The following ZNF570 variants were observed in gnomAD, a reference collection of about 807,000 sequenced individuals.
The protein encoded by ZNF570 is zinc finger protein 570.
ZNF570 carries 8 observed loss-of-function variants against 14.2 expected under a neutral mutation model. The observed-to-expected ratio is 0.56, with a 90% CI of 0.33 to 1.02. The LOEUF is 1.02. Among genes scored for constraint, ZNF570 ranks in the 50% least tolerant of loss-of-function variants. ZNF570 has a pLI of 0.03. For synonymous variants in ZNF570, 202 were observed against 207.6 expected (o/e 0.97, Z 0.23); for missense variants, 559 against 624.9 (o/e 0.89, Z 1.12).
chr19:37,471,308 C>T (rs1201240695), intron 2 of ZNF570, among the ~76,000 whole-genome samples: 1 of 152,142 alleles, frequency 6.6e-6, no homozygotes, highest in Non-Finnish European at 1.5e-5. Context: ...CCACCGCACC[C>T]GGCCACTGCA....
intron 2 of ZNF570, among the ~76,000 whole-genome samples, chr19:37,471,027 T>TTTTTTTTTTTTG (rs1363911894): frequency 2.5e-4 from 35 of 140,692 alleles, no homozygotes; most frequent in Non-Finnish European, 4.3e-4. Context: ...TTTTTTTTTT[T>TTTTTTTTTTTTG]TTGTTGAGAC....
chr19:37,485,120 T>C lies in ZNF570; in HGVS notation c.1498T>C (p.Cys500Arg), dbSNP rs1202153432. ...RIHTGERPYE[C>R]KECKKTFRQH... ...TCATACTGGAGAGAGACCCTATGAATGTAAGGAATGCAAAAAAACCTTCAG... is the reference window on the plus strand; with the variant it reads ...TCATACTGGAGAGAGACCCTATGAACGTAAGGAATGCAAAAAAACCTTCAG... Residue 500 changes from cysteine to arginine, a missense_variant, in exon 5 of 5, where the codon TGT becomes CGT. Physicochemically the swap from Cys to Arg is radical, Grantham distance 180. Transcript: ENST00000330173. 6.2e-7 allele frequency: 1 copy of C among 1,612,756 alleles called. No homozygotes were observed. The highest frequency in any genetic ancestry group is 2.2e-5 in the East Asian group (1 of 44,874).
In ZNF570 at chr19:37,485,302, T is replaced by C; in HGVS notation, c.*69T>C. 2.1e-6 allele frequency: 3 copies of C among 1,403,004 alleles called. No individual in the cohort carries two copies. Among genetic ancestry groups the C allele is most frequent in the Non-Finnish European group, 2.8e-6 (3 of 1,055,696 alleles). The allele number at this position is 1,403,004 out of a possible 1,614,324, so 86.9% of individuals were successfully genotyped here. A position where few individuals can be genotyped will look rare whatever the true frequency, so the allele number is the denominator to read the frequency against. On this transcript the variant is annotated 3_prime_UTR_variant, in exon 5 of 5. Coordinates refer to ENST00000330173, the MANE Select transcript of ZNF570 (RefSeq NM_144694.5). ...CTTTAATGTTGTCACCTTGGTCTGA[T>C]TCATCTCACTCTGATTACTAATATA... is the stretch of plus-strand genomic sequence containing the variant.
intron 2 of ZNF570, among the ~76,000 whole-genome samples, chr19:37,471,105 C>T (rs2041956257): frequency 6.7e-6 from 1 of 148,924 alleles, no homozygotes; most frequent in African/African-American, 2.5e-5. Flanking sequence ...GCTCTGCCTC[C>T]CAGGTTCACA....
In ZNF570 at chr19:37,488,542, A is replaced by G. The variant is rs547744723; in HGVS notation, c.*3309A>G. On this transcript the variant is annotated 3_prime_UTR_variant, in exon 5 of 5. Coordinates refer to ENST00000330173, the MANE Select transcript of ZNF570 (RefSeq NM_144694.5). The stretch of plus-strand genomic sequence containing the variant: ...AAAATAAGCAAATACTGTATAGCCA[A>G]TTCTTAAAATTTGATAAAGCTGGCT... 5 of 152,198 alleles carry G rather than the reference A, an allele frequency of 3.3e-5. No individual in the cohort carries two copies. The highest frequency in any genetic ancestry group is 3.8e-4 in the East Asian group (2 of 5,202). 9.4% of individuals were successfully genotyped at this position (152,198 alleles called of 1,614,324 possible).
In ZNF570 at chr19:37,488,388, T is replaced by TA. The variant is rs34054993; in HGVS notation, c.*3160dup. ...ATTTTTGTCATGGCTAAATACTATA[T>TA]AAAAAGGATCTAAAAGAATTAATAA... On this transcript the variant is annotated 3_prime_UTR_variant, in exon 5 of 5. Coordinates refer to ENST00000330173, the MANE Select transcript of ZNF570 (RefSeq NM_144694.5). 1 of 152,196 alleles carries TA rather than the reference T, an allele frequency of 6.6e-6. No homozygotes were observed. The highest frequency in any genetic ancestry group is 1.5e-5 in the Non-Finnish European group (1 of 68,032). The allele number at this position is 152,196 out of a possible 1,614,324, so 9.4% of individuals were successfully genotyped here.
rs1258433263 is a variant in ZNF570, at chr19:37,487,311, A to G, written c.*2078A>G. The G allele has an allele frequency of 6.6e-6, 1 of 151,978 alleles. No homozygotes were observed. The highest frequency in any genetic ancestry group is 1.5e-5 in the Non-Finnish European group (1 of 67,992). The allele number at this position is 151,978 out of a possible 1,614,324, so 9.4% of individuals were successfully genotyped here. ...TGTTCCATACTATAGAAAAATGTAA[A>G]GTTTTAAAATTATTTATCCAGTGGT... On this transcript the variant is annotated 3_prime_UTR_variant, in exon 5 of 5. Coordinates refer to ENST00000330173, the MANE Select transcript of ZNF570 (RefSeq NM_144694.5).
rs572515139 is a variant in ZNF570 at position 37,470,790 on chromosome 19, C to T, written c.33+403C>T. Among the ~76,000 whole-genome samples, 4 of 147,702 alleles carry T rather than the reference C, an allele frequency of 2.7e-5. No homozygotes were observed. The South Asian group carries it at 8.6e-4, about 32-fold the overall frequency. On this transcript the variant is annotated intron_variant, in intron 2 of 4. Transcript: ENST00000330173. The stretch of plus-strand genomic sequence containing the variant: ...ATATGGCTCACGGCAACATCCACCT[C>T]CTGGGTTCAAACGATTCTCCTGCCT...
At chr19:37,475,007 A>G (rs1375574805) in intron 2 of ZNF570, among the ~76,000 whole-genome samples, 2 of 144,034 alleles carry the variant, frequency 1.4e-5, no homozygotes, top group East Asian at 4.0e-4. Flanking sequence ...CCTGCCGCCC[A>G]GGCTGGAATG....
intron 3 of ZNF570, 66 bp downstream of exon 3, chr19:37,476,073 A>C: frequency 6.5e-7 from 1 of 1,540,996 alleles, no homozygotes; most frequent in Non-Finnish European, 8.7e-7. Flanking sequence ...CACTATTGTG[A>C]ATTTTTGGAT....
Position 37,469,390 on chromosome 19 carries a change from C to A in ZNF570, c.-219C>A. ...CGGGCCCGTAAGGGCTGGGTTCCAT[C>A]CAACTAAGGGTAGCGGTGAGACCCG... On this transcript the variant is annotated 5_prime_UTR_variant, in exon 1 of 5. Coordinates refer to ENST00000330173, the MANE Select transcript of ZNF570 (RefSeq NM_144694.5). 1 of 1,486,516 alleles carries A rather than the reference C, an allele frequency of 6.7e-7. No individual in the cohort carries two copies. The highest frequency in any genetic ancestry group is 1.3e-5 in the South Asian group (1 of 77,432). The allele number at this position is 1,486,516 out of a possible 1,614,324, so 92.1% of individuals were successfully genotyped here.
At chr19:37,473,302 C>G (rs1239700474) in intron 2 of ZNF570, among the ~76,000 whole-genome samples, 1 of 152,054 alleles carries the variant, frequency 6.6e-6, no homozygotes, top group Non-Finnish European at 1.5e-5. Flanking sequence ...TTCAGCTATG[C>G]AGGATACAGG....
upstream of ZNF570, chr19:37,468,101 TTGAGGCAGAGCCTCACTTTG>T (rs935666784): frequency 1.5e-6 from 1 of 668,326 alleles, no homozygotes; most frequent in African/African-American, 1.8e-5. Flanking sequence ...TTTGTTTTTT[TTGAGGCAGAGCCTCACTTTG>T]TTGCCCAGGC....
Position 37,476,012 on chromosome 19 carries a change from G to A in ZNF570, c.160+5G>A. The A allele has an allele frequency of 6.3e-7, 1 of 1,595,410 alleles. No homozygotes were observed. The highest frequency in any genetic ancestry group is 8.5e-7 in the Non-Finnish European group (1 of 1,172,738). On this transcript the variant is annotated splice_donor_5th_base_variant and intron_variant, in intron 3 of 4. Transcript: ENST00000330173. ...ACAGGATCTTGGTATCACTGGGTAA[G>A]GATATCTTCTTGCAAAACTGAGCTT... is the stretch of plus-strand genomic sequence containing the variant.
chr19:37,484,283 A>C lies in ZNF570; in HGVS notation c.661A>C (p.Asn221His), dbSNP rs1198836935. The C allele has an allele frequency of 3.7e-6, 6 of 1,613,454 alleles. No homozygotes were observed. The East Asian group carries it at 1.3e-4, about 36-fold the overall frequency. Residue 221 changes from asparagine to histidine, a missense_variant, in exon 5 of 5, where the codon AAT becomes CAT. Transcript: ENST00000330173. The part of the protein sequence containing the change: ...VCAEKKLLKC[N>H]DCEKVFSQSS... ...TGCAGAGAAGAAACTTTTGAAATGTAATGACTGTGAAAAAGTCTTCAGCCA... is the reference window on the plus strand; with the variant it reads ...TGCAGAGAAGAAACTTTTGAAATGTCATGACTGTGAAAAAGTCTTCAGCCA...
rs748405072 is a variant in ZNF570 at position 37,485,060 on chromosome 19, A to G, written c.1438A>G (p.Ser480Gly). ...YECTVCGKAF[S>G]YCGSLAQHQR... ...ATGTACTGTTTGTGGAAAGGCTTTT[A>G]GTTACTGTGGATCCCTTGCCCAACA... The change falls in exon 5 of 5, where the codon AGT becomes GGT. Residue 480 changes from serine (S) to glycine (G), a missense_variant. Ser to Gly is a moderately conservative substitution (Grantham distance 56). Transcript: ENST00000330173. The G allele has an allele frequency of 1.2e-6, 2 of 1,614,086 alleles. No individual in the cohort carries two copies. The highest frequency in any genetic ancestry group is 8.5e-7 in the Non-Finnish European group (1 of 1,180,010).
upstream of ZNF570, chr19:37,468,093 T>TA: frequency 1.5e-6 from 1 of 685,410 alleles, no homozygotes; most frequent in South Asian, 2.0e-5. Flanking sequence ...TTGTTTGTTT[T>TA]GTTTTTTTTG....
At chr19:37,481,950 C>T (rs2042092325) in intron 4 of ZNF570, among the ~76,000 whole-genome samples, 1 of 152,064 alleles carries the variant, frequency 6.6e-6, no homozygotes. Context: ...CTTTTTTGTA[C>T]CAGGAAGATT....
In ZNF570 at chr19:37,485,132, A is replaced by C; in HGVS notation, c.1510A>C (p.Lys504Gln). 6.2e-7 allele frequency: 1 copy of C among 1,610,810 alleles called. No homozygotes were observed. Among genetic ancestry groups the C allele is most frequent in the Non-Finnish European group, 8.5e-7 (1 of 1,178,656 alleles). Residue 504 changes from lysine to glutamine, a missense_variant, in exon 5 of 5, where the codon AAA (lysine) becomes CAA (glutamine). Lys to Gln is a moderately conservative substitution (Grantham distance 53). Transcript: ENST00000330173. Reference sequence around the variant, plus strand: ...GAGACCCTATGAATGTAAGGAATGCAAAAAAACCTTCAGGCAGCATGCACA... The same window carrying C: ...GAGACCCTATGAATGTAAGGAATGCCAAAAAACCTTCAGGCAGCATGCACA... The part of the protein sequence containing the change: ...GERPYECKEC[K>Q]KTFRQHAHLA...
Sources: gnomAD v4.1 joint callset for allele counts (sites outside exome capture counted in the v4.1 genomes callset) on GRCh38, gnomAD v4.1.1 for gene constraint, MANE v1.5 for transcripts, NCBI Gene and HGNC (gene_info 2026-07-23, HGNC 2026-07-21) for gene names.